The following LRFN2 variants were observed in gnomAD, a reference collection of about 807,000 sequenced individuals.
The protein encoded by LRFN2 is leucine-rich repeat and fibronectin type-III domain-containing protein 2.
Under a neutral mutation model 37.3 loss-of-function variants are expected in LRFN2, and 18 were observed. The observed-to-expected ratio is 0.48, with a 90% CI of 0.33 to 0.72. LRFN2 has a LOEUF of 0.72. Ranked by LOEUF, LRFN2 falls within the 30% of genes least tolerant of loss-of-function variation. The pLI, the probability that LRFN2 is intolerant of heterozygous loss-of-function variation, is 0.02. For missense variants in LRFN2, 1,006 were observed against 1,060.7 expected (o/e 0.95, Z 0.72); for synonymous variants, 556 against 466.6 (o/e 1.19, Z -2.47).
At chr6:40,571,324 T>C (rs2113794639) in intron 1 of LRFN2, among the ~76,000 whole-genome samples, 1 of 152,232 alleles carries the variant, frequency 6.6e-6, no homozygotes, top group African/African-American at 2.4e-5. Context: ...CATTGAAGAA[T>C]TTCTTCTTTC....
chr6:40,440,003 A>G (rs1023124474), intron 1 of LRFN2, among the ~76,000 whole-genome samples: 5 of 152,128 alleles, frequency 3.3e-5, no homozygotes, highest in African/African-American at 1.2e-4. Context: ...ACACCCACAC[A>G]AGATGGGCAA....
chr6:40,432,145 T>C lies in LRFN2; in HGVS notation c.969A>G (p.Val323=). The C allele has an allele frequency of 2.5e-6, 4 of 1,613,834 alleles. No homozygotes were observed. The highest frequency in any genetic ancestry group is 2.5e-6 in the Non-Finnish European group (3 of 1,179,994). Residue 323 remains valine, a synonymous_variant, in exon 2 of 3, where the codon GTA becomes GTG. Transcript: ENST00000338305. ...TCCCTACCAGGCGGTCATCGGGGGC[T>C]ACCCAGTGGATAAGGGGGCTGGGGT... The part of the protein sequence containing the change: ...IGDPSPLIHW[V]APDDRLVGNS...
chr6:40,546,449 TA>T (rs1189972557), intron 1 of LRFN2, among the ~76,000 whole-genome samples: 6 of 152,180 alleles, frequency 3.9e-5, no homozygotes, highest in African/African-American at 1.4e-4. Context: ...TCAGGTTTAT[TA>T]GGGGCAAAGG....
chr6:40,432,693 C>A lies in LRFN2; in HGVS notation c.421G>T (p.Asp141Tyr). Residue 141 changes from aspartate to tyrosine, a missense_variant, in exon 2 of 3, where the codon GAT (aspartate) becomes TAT (tyrosine). This residue lies in a region of LRFN2 where 185 missense variants were observed against 254.9 expected (regional missense o/e 0.73). Transcript: ENST00000338305. The stretch of plus-strand genomic sequence containing the variant: ...AGCAGGAAGTCCTCAAAAGCCTCAT[C>A]TGCGATGCCGCCCAGCTGGTTGTTG... Reference protein sequence around the residue: ...VNNNQLGGIADEAFEDFLLTL... With the variant: ...VNNNQLGGIAYEAFEDFLLTL... The A allele has an allele frequency of 6.2e-7, 1 of 1,614,180 alleles. No individual in the cohort carries two copies. Among genetic ancestry groups the A allele is most frequent in the Non-Finnish European group, 8.5e-7 (1 of 1,180,042 alleles).
chr6:40,447,287 C>T (rs1763994635), intron 1 of LRFN2, among the ~76,000 whole-genome samples: 1 of 152,240 alleles, frequency 6.6e-6, no homozygotes, highest in Non-Finnish European at 1.5e-5. Context: ...CCACCGTATG[C>T]CTCAGTTTTC....
At chr6:40,522,291 A>G (rs1176009271) in intron 1 of LRFN2, among the ~76,000 whole-genome samples, 1 of 152,196 alleles carries the variant, frequency 6.6e-6, no homozygotes, top group Non-Finnish European at 1.5e-5. Flanking sequence ...GGTGCCCAGG[A>G]AGGTGGACAA....
chr6:40,482,398 G>A (rs1032151639), intron 1 of LRFN2, among the ~76,000 whole-genome samples: 1 of 152,072 alleles, frequency 6.6e-6, no homozygotes, highest in South Asian at 2.1e-4. Flanking sequence ...TGGGGACCAC[G>A]TGGAGGAGCC....
chr6:40,495,632 C>G (rs1765207420), intron 1 of LRFN2, among the ~76,000 whole-genome samples: 1 of 152,172 alleles, frequency 6.6e-6, no homozygotes, highest in African/African-American at 2.4e-5. Flanking sequence ...TAGAACCCTC[C>G]AGGGAGTAGC....
At chr6:40,461,132 C>T (rs978831156) in intron 1 of LRFN2, among the ~76,000 whole-genome samples, 13 of 152,106 alleles carry the variant, frequency 8.5e-5, no homozygotes, top group South Asian at 6.2e-4. Flanking sequence ...CTGGGCTGGG[C>T]GCAGTGGTTC....
At chr6:40,472,144 C>A (rs1764613520) in intron 1 of LRFN2, among the ~76,000 whole-genome samples, 1 of 152,226 alleles carries the variant, frequency 6.6e-6, no homozygotes, top group African/African-American at 2.4e-5. Context: ...CTTCCCCGGT[C>A]AACCCCTGCA....
At chr6:40,500,993 T>C (rs1230018884) in intron 1 of LRFN2, among the ~76,000 whole-genome samples, 1 of 151,322 alleles carries the variant, frequency 6.6e-6, no homozygotes, top group Admixed American at 6.6e-5. Flanking sequence ...CTCTATTGAT[T>C]AGAAAAGAAG....
intron 1 of LRFN2, among the ~76,000 whole-genome samples, chr6:40,442,516 C>T (rs1367411493): frequency 6.6e-6 from 1 of 152,044 alleles, no homozygotes; most frequent in Non-Finnish European, 1.5e-5. Flanking sequence ...AGTCTCCCCT[C>T]AGACTGGGAC....
At chr6:40,485,633 G>A (rs551130069) in intron 1 of LRFN2, among the ~76,000 whole-genome samples, 7 of 152,254 alleles carry the variant, frequency 4.6e-5, no homozygotes, top group Non-Finnish European at 1.0e-4. Flanking sequence ...CAGTGCCCCC[G>A]AGGTCTTGAA....
intron 1 of LRFN2, among the ~76,000 whole-genome samples, chr6:40,489,454 C>T (rs1765036940): frequency 6.6e-6 from 1 of 152,200 alleles, no homozygotes; most frequent in Admixed American, 6.5e-5. Context: ...ACCCGGTCTC[C>T]AGGCTCTCCT....
intron 1 of LRFN2, among the ~76,000 whole-genome samples, chr6:40,586,214 T>G (rs1767500533): frequency 6.6e-6 from 1 of 152,106 alleles, no homozygotes; most frequent in African/African-American, 2.4e-5. Flanking sequence ...TCTACTGCTC[T>G]CCCTCCTCCC....
chr6:40,490,803 G>C (rs1200320900), intron 1 of LRFN2, among the ~76,000 whole-genome samples: 1 of 152,234 alleles, frequency 6.6e-6, no homozygotes, highest in Non-Finnish European at 1.5e-5. Flanking sequence ...CTGCCAACCT[G>C]CCTGGGGCAG....
At chr6:40,420,907 A>C (rs1019879473) in intron 2 of LRFN2, among the ~76,000 whole-genome samples, 9 of 152,234 alleles carry the variant, frequency 5.9e-5, no homozygotes, top group Non-Finnish European at 1.3e-4. Context: ...CATTTTGCTA[A>C]GCAAGTTACC....
In LRFN2 at chr6:40,400,407, G is replaced by A. The variant is rs529442664; in HGVS notation, c.1401-7495C>T. On this transcript the variant is annotated intron_variant, in intron 2 of 2. Coordinates refer to ENST00000338305, the MANE Select transcript of LRFN2 (RefSeq NM_020737.3). ...GGCTGGTTCTGAGGACATCTTTCTG[G>A]AGAGGTACTTTTCCTTTTTTTTTTT... 2.5e-3 allele frequency among the ~76,000 whole-genome samples: 364 copies of A among 147,258 alleles called. 8 individuals carry two copies. Among genetic ancestry groups the A allele is most frequent in the Non-Finnish European group, 4.0e-3 (267 of 67,058 alleles).
At chr6:40,534,853 C>A (rs1246650689) in intron 1 of LRFN2, among the ~76,000 whole-genome samples, 1 of 152,172 alleles carries the variant, frequency 6.6e-6, no homozygotes, top group African/African-American at 2.4e-5. Flanking sequence ...TTCCTAAATG[C>A]CAGGTGCCCC....
Sources: gnomAD v4.1 joint callset for allele counts (sites outside exome capture counted in the v4.1 genomes callset) on GRCh38, gnomAD v4.1.1 for gene constraint, gnomAD v4.1.1 regional missense constraint, MANE v1.5 for transcripts, NCBI Gene and HGNC (gene_info 2026-07-23, HGNC 2026-07-21) for gene names.